Variants in CSMD1 observed in about 807,000 individuals in gnomAD.
The protein encoded by CSMD1 is CUB and Sushi multiple domains 1, also known as CUB and sushi domain-containing protein 1.
CSMD1 carries 213 observed loss-of-function variants against 417.5 expected under a neutral mutation model. That is an observed-to-expected ratio of 0.51 (90% confidence interval 0.46 to 0.57). The LOEUF is 0.57. Ranked by LOEUF, CSMD1 falls within the 20% of genes least tolerant of loss-of-function variation. The pLI is 0.00. For synonymous variants in CSMD1, 2,862 were observed against 1,736.8 expected, an observed-to-expected ratio of 1.65 and a Z score of -16.11; for missense variants, 6,923 against 4,529.7, an observed-to-expected ratio of 1.53 and a Z score of -15.17.
At chr8:4,072,891 A>G (rs969836924) in intron 3 of CSMD1, among the ~76,000 whole-genome samples, 1 of 152,200 alleles carries the variant, frequency 6.6e-6, no homozygotes, top group Non-Finnish European at 1.5e-5. Context: ...TGTACAGTGG[A>G]AAAAGTCAAA....
chr8:3,167,291 G>GAAAAAAA (rs61026104), intron 37 of CSMD1, among the ~76,000 whole-genome samples: 6 of 102,648 alleles, frequency 5.8e-5, no homozygotes, highest in South Asian at 3.2e-4. Context: ...CTTGGAAAAA[G>GAAAAAAA]AAAAAAAAAA....
chr8:4,970,041 A>T (rs1585431068), intron 1 of CSMD1, among the ~76,000 whole-genome samples: 1 of 152,292 alleles, frequency 6.6e-6, no homozygotes, highest in East Asian at 1.9e-4. Context: ...ATGCAAATGA[A>T]TGTCCAATAA....
intron 3 of CSMD1, among the ~76,000 whole-genome samples, chr8:4,099,194 T>TCA (rs925698428): frequency 3.5e-5 from 5 of 143,508 alleles, no homozygotes; most frequent in South Asian, 2.1e-4. Context: ...ACATACACAC[T>TCA]CACACACACA....
chr8:2,937,918 A>G lies in CSMD1; in HGVS notation c.*667T>C, dbSNP rs996647872. The G allele has an allele frequency of 1.3e-5, 2 of 152,658 alleles. No individual in the cohort carries two copies. Among genetic ancestry groups the G allele is most frequent in the South Asian group, 4.1e-4 (2 of 4,830 alleles). The allele number at this position is 152,658 out of a possible 1,614,324, so 9.5% of individuals were successfully genotyped here. A position where few individuals can be genotyped will look rare whatever the true frequency, so the allele number is the denominator to read the frequency against. On this transcript the variant is annotated 3_prime_UTR_variant, in exon 70 of 70. Coordinates refer to ENST00000635120, the MANE Select transcript of CSMD1 (RefSeq NM_033225.6). Reference sequence around the variant, plus strand: ...TTTTTTATCAGAATCTTAGTCATTCATAACACACTAGTGCAAAAAATTGTG... The same window carrying G: ...TTTTTTATCAGAATCTTAGTCATTCGTAACACACTAGTGCAAAAAATTGTG...
intron 1 of CSMD1, among the ~76,000 whole-genome samples, chr8:4,867,929 T>G (rs567986170): frequency 1.2e-4 from 18 of 146,858 alleles, no homozygotes; most frequent in Admixed American, 7.0e-4. Flanking sequence ...AAGACCCTAC[T>G]GTCTACGTGT....
At chr8:4,692,357 A>G (rs2052498931) in intron 1 of CSMD1, among the ~76,000 whole-genome samples, 1 of 152,218 alleles carries the variant, frequency 6.6e-6, no homozygotes, top group Non-Finnish European at 1.5e-5. Flanking sequence ...GTAAAACAAC[A>G]AAACGAAACA....
intron 23 of CSMD1, among the ~76,000 whole-genome samples, chr8:3,330,233 T>C (rs1806802563): frequency 6.6e-6 from 1 of 152,198 alleles, no homozygotes; most frequent in Admixed American, 6.5e-5. Context: ...AACATATGGT[T>C]AAAAACAACT....
chr8:3,182,812 G>GC, intron 36 of CSMD1, among the ~76,000 whole-genome samples: 1 of 89,318 alleles, frequency 1.1e-5, no homozygotes, highest in Non-Finnish European at 2.4e-5. Flanking sequence ...GGATGGTCTC[G>GC]GGGGACTCTG....
intron 2 of CSMD1, among the ~76,000 whole-genome samples, chr8:4,578,121 C>T (rs934863842): frequency 1.3e-5 from 2 of 152,082 alleles, no homozygotes; most frequent in Non-Finnish European, 2.9e-5. Flanking sequence ...TTAATCTATA[C>T]TCAAAGTCCC....
chr8:3,590,413 G>A (rs886639253), intron 8 of CSMD1, among the ~76,000 whole-genome samples: 8 of 152,086 alleles, frequency 5.3e-5, no homozygotes, highest in Non-Finnish European at 1.2e-4. Flanking sequence ...ACCTGAACTC[G>A]GCTCTTACTC....
chr8:3,845,510 T>C (rs1803445675), intron 5 of CSMD1, among the ~76,000 whole-genome samples: 1 of 152,170 alleles, frequency 6.6e-6, no homozygotes, highest in African/African-American at 2.4e-5. Flanking sequence ...TACAGGGTAC[T>C]TGCCATGAAT....
chr8:4,476,750 T>A (rs1800824075), intron 2 of CSMD1, among the ~76,000 whole-genome samples: 1 of 152,138 alleles, frequency 6.6e-6, no homozygotes, highest in Non-Finnish European at 1.5e-5. Flanking sequence ...ATACCTCCGT[T>A]TGTTCATATG....
At chr8:4,386,449 T>TAA (rs1185966816) in intron 3 of CSMD1, among the ~76,000 whole-genome samples, 1 of 152,236 alleles carries the variant, frequency 6.6e-6, no homozygotes, top group East Asian at 1.9e-4. Context: ...GACATTCTCC[T>TAA]CTCTTTACAT....
intron 2 of CSMD1, among the ~76,000 whole-genome samples, chr8:4,511,643 G>C (rs1274154039): frequency 6.6e-6 from 1 of 152,058 alleles, no homozygotes; most frequent in African/African-American, 2.4e-5. Context: ...ATGGTACCAG[G>C]GCAGAAACCC....
intron 17 of CSMD1, among the ~76,000 whole-genome samples, chr8:3,392,205 A>C (rs552196617): frequency 6.6e-6 from 1 of 152,118 alleles, no homozygotes; most frequent in Non-Finnish European, 1.5e-5. Flanking sequence ...ATGTATACAT[A>C]TGTAACTAAC....
intron 49 of CSMD1, among the ~76,000 whole-genome samples, chr8:3,079,322 TAAAG>T (rs1813916649): frequency 6.6e-6 from 1 of 152,160 alleles, no homozygotes; most frequent in African/African-American, 2.4e-5. Flanking sequence ...TGTCTATATA[TAAAG>T]AGAGACACAA....
At chr8:3,764,671 T>C (rs1798173510) in intron 5 of CSMD1, among the ~76,000 whole-genome samples, 1 of 151,974 alleles carries the variant, frequency 6.6e-6, no homozygotes, top group Non-Finnish European at 1.5e-5. Flanking sequence ...GGGGAGTTCA[T>C]TATCTAGAGC....
At chr8:3,784,546 A>G (rs1237042357) in intron 5 of CSMD1, among the ~76,000 whole-genome samples, 1 of 152,230 alleles carries the variant, frequency 6.6e-6, no homozygotes, top group Admixed American at 6.5e-5. Context: ...CTGGTCCCTC[A>G]TGGTCATAAA....
Position 3,575,058 on chromosome 8 carries a change from A to G in CSMD1, c.1231T>C (p.Cys411Arg). 1.9e-6 allele frequency: 3 copies of G among 1,612,220 alleles called. No homozygotes were observed. Among genetic ancestry groups the G allele is most frequent in the East Asian group, 4.5e-5 (2 of 44,756 alleles). The change falls in exon 10 of 70, where the codon TGT becomes CGT. Residue 411 changes from cysteine (C) to arginine (R), a missense_variant. Physicochemically the swap from Cys to Arg is radical, Grantham distance 180. Coordinates refer to ENST00000635120, the MANE Select transcript of CSMD1 (RefSeq NM_033225.6). The stretch of plus-strand genomic sequence containing the variant: ...CTGGGCCCACGCAGATTGGATCCAC[A>G]TGTTCTCGCTGGAAACACATAGAAA... Reference protein sequence around the residue: ...DHRPICRARTCGSNLRGPSGV... With the variant: ...DHRPICRARTRGSNLRGPSGV...
Sources: allele counts gnomAD v4.1 joint callset (sites outside exome capture counted in the v4.1 genomes callset), GRCh38; gene constraint gnomAD v4.1.1; transcripts MANE v1.5; gene names NCBI Gene and HGNC (gene_info 2026-07-23, HGNC 2026-07-21).